SDHA: variants seen among roughly 807,000 people sequenced by gnomAD.
The protein encoded by SDHA is succinate dehydrogenase complex flavoprotein subunit A, also known as succinate dehydrogenase [ubiquinone] flavoprotein subunit, mitochondrial.
In SDHA, 48 loss-of-function variants were observed where a neutral mutation model predicts 78.4. The ratio of observed to expected loss-of-function variants is 0.61; its 90% confidence interval spans 0.49 to 0.78. The LOEUF (loss-of-function observed/expected upper bound fraction) is 0.78. SDHA is among the 30% of genes least tolerant of loss of function. SDHA has a pLI of 0.00. For missense variants in SDHA, 680 were observed against 892.7 expected, an observed-to-expected ratio of 0.76 and a Z score of 3.04; for synonymous variants, 326 against 353.9, an observed-to-expected ratio of 0.92 and a Z score of 0.88.
rs1579439198 is a variant in SDHA, at chr5:251,437, C to T, written c.1763C>T (p.Ser588Leu). The T allele has an allele frequency of 1.2e-6, 2 of 1,613,994 alleles. No individual in the cohort carries two copies. The highest frequency in any genetic ancestry group is 1.7e-6 in the Non-Finnish European group (2 of 1,179,878). The change falls in exon 13 of 15, where the codon TCA becomes TTA. Residue 588 changes from serine (S) to leucine (L), a missense_variant. By Grantham distance (145) the Ser-to-Leu change is moderately radical. Coordinates refer to ENST00000264932, the MANE Select transcript of SDHA (RefSeq NM_004168.4). The part of the protein sequence containing the change: ...TIYGAEARKE[S>L]RGAHAREDYK... The stretch of plus-strand genomic sequence containing the variant: ...TACGGAGCAGAGGCACGGAAGGAGT[C>T]ACGGGGCGCGCATGCCAGGGAAGAC...
chr5:267,834 C>T, the SDHA span, among the ~76,000 whole-genome samples: 1 of 152,162 alleles, frequency 6.6e-6, no homozygotes, highest in African/African-American at 2.4e-5. Flanking sequence ...TTGATGCTTC[C>T]AGTGATTGGG....
At chr5:266,045 C>T in the SDHA span, among the ~76,000 whole-genome samples, 1 of 96,122 alleles carries the variant, frequency 1.0e-5, no homozygotes, top group Non-Finnish European at 1.9e-5. Flanking sequence ...CTGGAGGGAC[C>T]CTACCCCAGA....
In SDHA at chr5:247,405, A is replaced by C. The variant is rs541260563; in HGVS notation, c.1552-3587A>C. Among the ~76,000 whole-genome samples, 3 of 152,336 alleles carry C rather than the reference A, an allele frequency of 2.0e-5. No individual in the cohort carries two copies. In the East Asian group the frequency reaches 5.8e-4, roughly 29 times the overall value. ...CTTCCAGGACCTTTGACTGCAGGGA[A>C]TCAAATGGCTGATCGCCTAGTTGCT... On this transcript the variant is annotated intron_variant, in intron 11 of 14. Coordinates refer to ENST00000264932, the MANE Select transcript of SDHA (RefSeq NM_004168.4).
At chr5:262,253 CGT>C in the SDHA span, among the ~76,000 whole-genome samples, 2 of 87,062 alleles carry the variant, frequency 2.3e-5, no homozygotes, top group Non-Finnish European at 4.2e-5. Context: ...CTCCGCCTCC[CGT>C]CACAGCATTA....
At chr5:265,099 C>G in the SDHA span, among the ~76,000 whole-genome samples, 2 of 152,050 alleles carry the variant, frequency 1.3e-5, no homozygotes, top group Non-Finnish European at 2.9e-5. Flanking sequence ...CCCAGCTATT[C>G]AGGAGGCTGA....
intron 1 of SDHA, among the ~76,000 whole-genome samples, chr5:221,013 C>T (rs1353433405): frequency 6.6e-6 from 1 of 152,028 alleles, no homozygotes; most frequent in Non-Finnish European, 1.5e-5. Context: ...CGGGGTTTCA[C>T]CATGTTAGCC....
At chr5:221,942 A>C (rs9312979) in intron 1 of SDHA, among the ~76,000 whole-genome samples, 19,654 of 152,130 alleles carry the variant, frequency 0.13, 1,338 homozygotes, top group Admixed American at 0.17. Flanking sequence ...ACATCCTAGA[A>C]AGAACGAATA....
chr5:252,694 C>T (rs796336699), intron 13 of SDHA, among the ~76,000 whole-genome samples: 5 of 142,762 alleles, frequency 3.5e-5, no homozygotes, highest in East Asian at 2.0e-4. Context: ...AGTAAGTCAC[C>T]GTTTCAAGCC....
At chr5:251,656 C>G in intron 13 of SDHA, 188 bp downstream of exon 13, 1 of 1,524,288 alleles carries the variant, frequency 6.6e-7, no homozygotes, top group Non-Finnish European at 8.8e-7. Context: ...GTGACCTTTT[C>G]CTTGCTTTGG....
chr5:244,860 A>G (rs1313080368), intron 11 of SDHA, among the ~76,000 whole-genome samples: 2 of 152,226 alleles, frequency 1.3e-5, no homozygotes, highest in Admixed American at 6.5e-5. Context: ...TTCCAGAGCA[A>G]TTATATAGCC....
intron 11 of SDHA, among the ~76,000 whole-genome samples, chr5:243,017 C>G (rs1186189435): frequency 4.6e-5 from 7 of 152,120 alleles, no homozygotes; most frequent in Non-Finnish European, 8.8e-5. Context: ...CCAGATCTTT[C>G]TTTTCCAGAG....
chr5:218,535 C>G (rs1734518922), intron 1 of SDHA, 117 bp downstream of exon 1: 1 of 806,652 alleles, frequency 1.2e-6, no homozygotes, highest in Non-Finnish European at 1.7e-6. Context: ...CCCTCTGTCC[C>G]GGGATCGGGA....
intron 11 of SDHA, chr5:249,484 G>C (rs1452601580): frequency 6.4e-6 from 1 of 155,826 alleles, no homozygotes; most frequent in East Asian, 1.9e-4. Context: ...GGCCCACCCA[G>C]GGTGGAAAAC....
At chr5:260,877 G>C (rs1737457419), downstream of SDHA, among the ~76,000 whole-genome samples, 1 of 10,296 alleles carries the variant, frequency 9.7e-5, no homozygotes, top group Non-Finnish European at 2.2e-4. Flanking sequence ...TCCGCCTCCC[G>C]TCCGAGCATT....
At chr5:235,742 G>A (rs548004766) in intron 9 of SDHA, 6 of 349,822 alleles carry the variant, frequency 1.7e-5, no homozygotes, top group East Asian at 1.5e-4. Context: ...CTGCGTAGAC[G>A]AAGAGGTGAA....
intron 11 of SDHA, among the ~76,000 whole-genome samples, chr5:242,992 G>A (rs895018434): frequency 6.6e-6 from 1 of 152,176 alleles, no homozygotes; most frequent in African/African-American, 2.4e-5. Context: ...TGAAGAAAAA[G>A]AGTGGCCTGA....
intron 11 of SDHA, among the ~76,000 whole-genome samples, chr5:241,037 G>A (rs144802459): frequency 2.0e-5 from 3 of 151,756 alleles, no homozygotes; most frequent in South Asian, 2.1e-4. Context: ...ACTCCTCACC[G>A]TATCAAGAAT....
chr5:257,444 G>A (rs1004214954), downstream of SDHA, among the ~76,000 whole-genome samples: 1 of 149,128 alleles, frequency 6.7e-6, no homozygotes, highest in South Asian at 2.1e-4. Context: ...ATTACCGTGT[G>A]AGCTCCGCCT....
At chr5:234,641 T>C (rs1396149895) in intron 8 of SDHA, 1 of 209,760 alleles carries the variant, frequency 4.8e-6, no homozygotes, top group Non-Finnish European at 9.8e-6. Flanking sequence ...TTAGGTACTA[T>C]GAGTCATCCT....
Sources: allele counts gnomAD v4.1 joint callset (sites outside exome capture counted in the v4.1 genomes callset), GRCh38; gene constraint gnomAD v4.1.1; transcripts MANE v1.5; gene names NCBI Gene and HGNC (gene_info 2026-07-23, HGNC 2026-07-21).